The following ATG4A variants were observed in gnomAD, a reference collection of about 807,000 sequenced individuals.
The protein encoded by ATG4A is autophagy related 4A cysteine peptidase, also known as cysteine protease ATG4A.
In ATG4A, 22 loss-of-function variants were observed where a neutral mutation model predicts 38.4. The observed-to-expected ratio is 0.57, with a 90% CI of 0.41 to 0.82. The LOEUF (loss-of-function observed/expected upper bound fraction) is 0.82, where lower values mean the gene tolerates loss of function less well. ATG4A is among the 40% of genes least tolerant of loss of function. ATG4A has a pLI of 0.00. For missense variants in ATG4A, 220 were observed against 290.0 expected, an observed-to-expected ratio of 0.76 and a Z score of 1.75; for synonymous variants, 86 against 100.7, an observed-to-expected ratio of 0.85 and a Z score of 0.88.
chrX:108,130,535 A>G (rs2032927891), intron 3 of ATG4A, among the ~76,000 whole-genome samples: 1 of 112,439 alleles, frequency 8.9e-6, no homozygotes, highest in Non-Finnish European at 1.9e-5. Flanking sequence ...AATTATGATC[A>G]TACTCAAAAC....
intron 2 of ATG4A, among the ~76,000 whole-genome samples, chrX:108,128,301 G>A (rs898031009): frequency 1.8e-5 from 2 of 110,512 alleles, no homozygotes; most frequent in Non-Finnish European, 3.8e-5. Flanking sequence ...CTGGCCTGAA[G>A]CGATCTCCCT....
chrX:108,091,118 G>A (rs1029945197), upstream of ATG4A, among the ~76,000 whole-genome samples: 7 of 113,642 alleles, frequency 6.2e-5, no homozygotes, highest in Non-Finnish European at 1.3e-4. Flanking sequence ...CATATAAAAA[G>A]CCTTCCTTTT....
intron 3 of ATG4A, 50 bp downstream of exon 3, chrX:108,128,902 C>G (rs781134856): frequency 7.7e-6 from 7 of 912,881 alleles, no homozygotes; most frequent in Non-Finnish European, 1.1e-5. Flanking sequence ...GGATAGCTTG[C>G]CTGAGGTTAT....
At chrX:108,146,506 C>T (rs1376610291) in intron 9 of ATG4A, among the ~76,000 whole-genome samples, 3 of 111,835 alleles carry the variant, frequency 2.7e-5, no homozygotes, top group Non-Finnish European at 5.6e-5. Context: ...CCCCTGCCAC[C>T]TCAGGATCCA....
At chrX:108,141,165 T>C (rs1301479508) in intron 9 of ATG4A, among the ~76,000 whole-genome samples, 3 of 92,204 alleles carry the variant, frequency 3.3e-5, no homozygotes, top group African/African-American at 1.2e-4. Context: ...TGCTGGCAAA[T>C]TGGGCACTCA....
At chrX:108,153,553 C>A in intron 12 of ATG4A, 89 bp from the exon 13 acceptor site, 1 of 684,421 alleles carries the variant, frequency 1.5e-6, no homozygotes, top group Non-Finnish European at 2.3e-6. Context: ...ATTAAAAATG[C>A]TTAGTCTTAA....
At chrX:108,129,707 A>G (rs2032902308) in intron 3 of ATG4A, among the ~76,000 whole-genome samples, 1 of 107,962 alleles carries the variant, frequency 9.3e-6, no homozygotes, top group African/African-American at 3.4e-5. Context: ...AGTAGCTGGG[A>G]CTACAGGCGC....
chrX:108,091,449 C>G, upstream of ATG4A: 3 of 1,212,434 alleles, frequency 2.5e-6, no homozygotes, highest in Middle Eastern at 4.6e-4. Flanking sequence ...CCAGAATACT[C>G]TCCTTCAACT....
chrX:108,091,741 G>T, upstream of ATG4A: 1 of 1,152,950 alleles, frequency 8.7e-7, no homozygotes, highest in East Asian at 3.0e-5. Flanking sequence ...CCCTAGCAGT[G>T]CAGAACTACA....
chrX:108,136,997 T>G (rs1222572398), intron 6 of ATG4A, 94 bp from the exon 7 acceptor site: 2 of 733,404 alleles, frequency 2.7e-6, no homozygotes, highest in Middle Eastern at 4.4e-4. Flanking sequence ...GCTCAGTGTT[T>G]GGTGACTTTA....
chrX:108,124,514 C>T (rs775138812), intron 1 of ATG4A, among the ~76,000 whole-genome samples: 2 of 107,963 alleles, frequency 1.9e-5, no homozygotes, highest in Admixed American at 1.0e-4. Flanking sequence ...TGTAGTGGCG[C>T]GATCTTGGCT....
chrX:108,115,523 C>T (rs2032484026), intron 1 of ATG4A, among the ~76,000 whole-genome samples: 1 of 111,982 alleles, frequency 8.9e-6, no homozygotes, highest in Non-Finnish European at 1.9e-5. Flanking sequence ...CATACTGTAT[C>T]TACTATTTTG....
At chrX:108,133,896 T>A (rs1465317261) in intron 4 of ATG4A, among the ~76,000 whole-genome samples, 161 bp from the exon 5 acceptor site, 1 of 112,703 alleles carries the variant, frequency 8.9e-6, no homozygotes, top group East Asian at 2.8e-4. Flanking sequence ...GATGTCTTTG[T>A]CATCAAAATG....
chrX:108,092,126 C>A (rs1381112615), intron 1 of ATG4A, among the ~76,000 whole-genome samples: 1 of 110,741 alleles, frequency 9.0e-6, no homozygotes, highest in Non-Finnish European at 1.9e-5. Context: ...GACATCTCGG[C>A]GGTGTGGCAT....
chrX:108,102,991 TC>T (rs1160229494), intron 1 of ATG4A, among the ~76,000 whole-genome samples: 1 of 110,140 alleles, frequency 9.1e-6, no homozygotes, highest in Non-Finnish European at 1.9e-5. Flanking sequence ...TCCCTCCTCC[TC>T]CCCCTACTCC....
At chrX:108,093,191 C>T (rs1439316660) in intron 1 of ATG4A, among the ~76,000 whole-genome samples, 1 of 111,407 alleles carries the variant, frequency 9.0e-6, no homozygotes, top group Non-Finnish European at 1.9e-5. Flanking sequence ...CCAGTAAGGT[C>T]CCTCATGCCT....
chrX:108,113,071 A>G (rs1009668877), intron 1 of ATG4A, among the ~76,000 whole-genome samples: 1 of 111,430 alleles, frequency 9.0e-6, no homozygotes, highest in African/African-American at 3.3e-5. Flanking sequence ...TGAGAGGTTC[A>G]GTATTTACCT....
intron 1 of ATG4A, among the ~76,000 whole-genome samples, chrX:108,105,466 G>T (rs1342442161): frequency 9.0e-6 from 1 of 110,987 alleles, no homozygotes; most frequent in Non-Finnish European, 1.9e-5. Context: ...TGTTCTCAGT[G>T]GTCATCAGGT....
chrX:108,120,198 T>C (rs2032613900), intron 1 of ATG4A, among the ~76,000 whole-genome samples: 1 of 112,515 alleles, frequency 8.9e-6, no homozygotes. Context: ...CTACCCTTTT[T>C]GTATGCCTTA....
Sources: allele counts gnomAD v4.1 joint callset (sites outside exome capture counted in the v4.1 genomes callset), GRCh38; gene constraint gnomAD v4.1.1; transcripts MANE v1.5; gene names NCBI Gene and HGNC (gene_info 2026-07-23, HGNC 2026-07-21).